The following DACH2 variants were observed in gnomAD, a reference collection of about 807,000 sequenced individuals.
DACH2 encodes dachshund homolog 2.
In DACH2, 17 loss-of-function variants were observed where a neutral mutation model predicts 35.8. The ratio of observed to expected loss-of-function variants is 0.48; its 90% CI spans 0.33 to 0.71. DACH2 has a LOEUF of 0.71. Among genes scored for constraint, DACH2 ranks in the 30% least tolerant of loss-of-function variants. The probability of loss-of-function intolerance (pLI) is 0.02; values close to 1 mark genes in which losing one functional copy is unlikely to be tolerated. For missense variants in DACH2, 469 were observed against 472.7 expected, an observed-to-expected ratio of 0.99 and a Z score of 0.07; for synonymous variants, 195 against 177.3, an observed-to-expected ratio of 1.10 and a Z score of -0.79.
At chrX:86,163,698 G>C (rs1234861317) in intron 1 of DACH2, among the ~76,000 whole-genome samples, 1 of 111,283 alleles carries the variant, frequency 9.0e-6, no homozygotes, top group Non-Finnish European at 1.9e-5. Context: ...TTGGTTTTCT[G>C]TTCTTGCATT....
chrX:86,645,443 C>T (rs1201018900), intron 3 of DACH2, among the ~76,000 whole-genome samples: 2 of 111,454 alleles, frequency 1.8e-5, no homozygotes, highest in Non-Finnish European at 3.8e-5. Flanking sequence ...CACTTATACA[C>T]TGTTGATGGG....
intron 2 of DACH2, among the ~76,000 whole-genome samples, chrX:86,467,845 G>A (rs755934090): frequency 2.1e-4 from 23 of 111,690 alleles, no homozygotes; most frequent in Non-Finnish European, 3.6e-4. Flanking sequence ...AGAGCAAAGC[G>A]GGGAAAGCTT....
intron 3 of DACH2, among the ~76,000 whole-genome samples, chrX:86,591,768 C>T: frequency 9.0e-6 from 1 of 110,551 alleles, no homozygotes; most frequent in East Asian, 2.8e-4. Flanking sequence ...GAACTCCTGA[C>T]CTCATGATTC....
At chrX:86,428,629 T>G (rs971356324) in intron 2 of DACH2, among the ~76,000 whole-genome samples, 1 of 112,131 alleles carries the variant, frequency 8.9e-6, no homozygotes, top group Non-Finnish European at 1.9e-5. Context: ...AAGGCTATCT[T>G]ACCATTTTCC....
rs758085121 is a variant in DACH2 at position 86,333,435 on chromosome X, C to A, written c.489-43389C>A. 4.2e-4 allele frequency among the ~76,000 whole-genome samples: 47 copies of A among 111,471 alleles called. 1 individual carries two copies. The highest frequency in any genetic ancestry group is 2.9e-4 in the Admixed American group (3 of 10,461). The stretch of plus-strand genomic sequence containing the variant: ...AAGTCTATGGGAAGGAGTGACCTTG[C>A]TGACCTTCTCACACTCTTAACAGTA... On this transcript the variant is annotated intron_variant, in intron 1 of 11. Coordinates refer to ENST00000373125, the MANE Select transcript of DACH2 (RefSeq NM_053281.3).
intron 2 of DACH2, among the ~76,000 whole-genome samples, chrX:86,430,763 G>A (rs778234517): frequency 8.9e-6 from 1 of 112,158 alleles, no homozygotes; most frequent in Non-Finnish European, 1.9e-5. Flanking sequence ...ATCCCAAAAA[G>A]CATTCTTCTC....
intron 3 of DACH2, among the ~76,000 whole-genome samples, chrX:86,527,523 A>G (rs2038651667): frequency 1.8e-5 from 2 of 112,751 alleles, no homozygotes; most frequent in South Asian, 7.2e-4. Flanking sequence ...GTATAACAAT[A>G]GTTCATTCAT....
chrX:86,603,739 T>TAA (rs1171937070), intron 3 of DACH2, among the ~76,000 whole-genome samples: 1 of 111,825 alleles, frequency 8.9e-6, no homozygotes, highest in Non-Finnish European at 1.9e-5. Context: ...TATGCTATTC[T>TAA]TTCTCTTGAG....
At chrX:86,367,554 C>T (rs1245743502) in intron 1 of DACH2, among the ~76,000 whole-genome samples, 1 of 111,444 alleles carries the variant, frequency 9.0e-6, no homozygotes, top group African/African-American at 3.3e-5. Flanking sequence ...CAGAGAACTA[C>T]AGGGTTTTTG....
intron 1 of DACH2, among the ~76,000 whole-genome samples, chrX:86,292,679 A>G (rs1358563242): frequency 9.0e-6 from 1 of 111,094 alleles, no homozygotes; most frequent in Non-Finnish European, 1.9e-5. Context: ...TCATTTCGTT[A>G]TGTACTCAGT....
chrX:86,597,547 T>C (rs1005358019), intron 3 of DACH2, among the ~76,000 whole-genome samples: 3 of 111,903 alleles, frequency 2.7e-5, no homozygotes, highest in African/African-American at 6.5e-5. Flanking sequence ...TTAAATTCTT[T>C]AAATTTATTG....
intron 1 of DACH2, among the ~76,000 whole-genome samples, chrX:86,255,180 C>A (rs898667322): frequency 3.6e-5 from 4 of 110,731 alleles, no homozygotes; most frequent in Non-Finnish European, 7.6e-5. Flanking sequence ...AAGATGAAAA[C>A]AAAAAAGTAG....
intron 7 of DACH2, among the ~76,000 whole-genome samples, chrX:86,784,707 G>A (rs2042120946): frequency 8.9e-6 from 1 of 111,760 alleles, no homozygotes; most frequent in African/African-American, 3.3e-5. Flanking sequence ...TTTCACAATA[G>A]CAAAGACATG....
chrX:86,416,496 G>T (rs1440686224), intron 2 of DACH2, among the ~76,000 whole-genome samples: 1 of 112,136 alleles, frequency 8.9e-6, no homozygotes, highest in Admixed American at 9.4e-5. Flanking sequence ...ACAGACACTT[G>T]AGTGCCTTTA....
In DACH2 at chrX:86,331,844, G is replaced by A. The variant is rs139554580; in HGVS notation, c.489-44980G>A. The stretch of plus-strand genomic sequence containing the variant: ...CTAGGATGTTACCCTTCAGCAACCT[G>A]CTCATGCTAGTGATGATACATGTAC... On this transcript the variant is annotated intron_variant, in intron 1 of 11. Transcript: ENST00000373125. Among the ~76,000 whole-genome samples, 606 of 111,331 alleles carry A rather than the reference G, an allele frequency of 5.4e-3. 4 individuals carry two copies. The highest frequency in any genetic ancestry group is 0.019 in the African/African-American group (580 of 30,718).
At chrX:86,504,668 C>T (rs745509481) in intron 2 of DACH2, among the ~76,000 whole-genome samples, 1 of 110,955 alleles carries the variant, frequency 9.0e-6, no homozygotes, top group Admixed American at 9.7e-5. Flanking sequence ...TGAGCATGTC[C>T]ACTGCCATGG....
chrX:86,829,479 G>A, intron 11 of DACH2: 1 of 112,271 alleles, frequency 8.9e-6, no homozygotes. Context: ...GACTCCTCAT[G>A]TGTATTTTTT....
chrX:86,293,848 C>T (rs1455381322), intron 1 of DACH2, among the ~76,000 whole-genome samples: 5 of 110,933 alleles, frequency 4.5e-5, no homozygotes, highest in East Asian at 5.7e-4. Flanking sequence ...TCTCTGGCTG[C>T]CCTTAACATT....
At chrX:86,466,845 G>A (rs760618763) in intron 2 of DACH2, among the ~76,000 whole-genome samples, 17 of 110,966 alleles carry the variant, frequency 1.5e-4, no homozygotes, top group African/African-American at 3.9e-4. Flanking sequence ...CCAGCTCTAC[G>A]TTGGCCCCTT....
Sources: allele counts gnomAD v4.1 joint callset (sites outside exome capture counted in the v4.1 genomes callset), GRCh38; gene constraint gnomAD v4.1.1; transcripts MANE v1.5; gene names NCBI Gene and HGNC (gene_info 2026-07-23, HGNC 2026-07-21).